ADAM22: variants seen among roughly 807,000 people sequenced by gnomAD.
ADAM22 encodes the protein disintegrin and metalloproteinase domain-containing protein 22.
A neutral mutation model predicts 144.6 loss-of-function variants in ADAM22; 65 were observed. The observed-to-expected ratio is 0.45, with a 90% CI of 0.37 to 0.55. The LOEUF (loss-of-function observed/expected upper bound fraction) is 0.55, where lower values mean the gene tolerates loss of function less well. ADAM22 is among the 20% of genes least tolerant of loss of function. The pLI is 0.00. For synonymous variants in ADAM22, 391 were observed against 412.6 expected (o/e 0.95, Z 0.63); for missense variants, 974 against 1,184.9 (o/e 0.82, Z 2.61).
At chr7:88,092,585 T>G (rs1820209244) in intron 4 of ADAM22, among the ~76,000 whole-genome samples, 1 of 152,210 alleles carries the variant, frequency 6.6e-6, no homozygotes, top group Non-Finnish European at 1.5e-5. Flanking sequence ...TGCCATCTTG[T>G]AATCAGTGTG....
At chr7:88,053,077 T>C (rs185325877) in intron 3 of ADAM22, among the ~76,000 whole-genome samples, 5 of 152,338 alleles carry the variant, frequency 3.3e-5, no homozygotes, top group Admixed American at 2.6e-4. Flanking sequence ...GCAATATCTA[T>C]TATTGCATTT....
intron 4 of ADAM22, among the ~76,000 whole-genome samples, chr7:88,079,200 T>TTAAAAA (rs983458621): frequency 4.6e-4 from 70 of 152,290 alleles, no homozygotes; most frequent in African/African-American, 1.5e-3. Flanking sequence ...TTCAACATTC[T>TTAAAAA]TAAAAATAAG....
rs184051408 is a variant in ADAM22 at position 87,960,925 on chromosome 7, G to A, written c.247-17411G>A. 2.2e-4 allele frequency among the ~76,000 whole-genome samples: 34 copies of A among 152,080 alleles called. No individual in the cohort carries two copies. In the East Asian group the frequency reaches 6.6e-3, roughly 29 times the overall value. ...TATGTGGCACTGTTCTGTGCCTTTG[G>A]GATACATCAGTGAATAATAAAAAAA... On this transcript the variant is annotated intron_variant, in intron 2 of 31. Transcript: ENST00000413139.
intron 2 of ADAM22, among the ~76,000 whole-genome samples, chr7:87,956,640 A>C (rs940554154): frequency 5.3e-5 from 8 of 152,102 alleles, no homozygotes; most frequent in Non-Finnish European, 1.2e-4. Context: ...CCACTGATCT[A>C]CTTTCTGTCT....
intron 26 of ADAM22, among the ~76,000 whole-genome samples, chr7:88,177,597 C>G (rs183385218): frequency 3.2e-4 from 48 of 152,188 alleles, no homozygotes; most frequent in African/African-American, 1.1e-3. Flanking sequence ...TTAAATCACA[C>G]AAGTTAAAAT....
At chr7:87,982,068 TACACACACACACACACACACACAC>T (rs1175758724) in intron 3 of ADAM22, among the ~76,000 whole-genome samples, 52 of 93,720 alleles carry the variant, frequency 5.5e-4, no homozygotes, top group Admixed American at 3.2e-3. Flanking sequence ...TATATATATA[TACACACACACACACACACACACAC>T]ACACACACAC....
At chr7:88,172,072 A>G (rs545380111) in intron 26 of ADAM22, among the ~76,000 whole-genome samples, 158 of 151,982 alleles carry the variant, frequency 1.0e-3, no homozygotes, top group Middle Eastern at 3.4e-3. Context: ...TTATCTCTGC[A>G]TAAGGAATTT....
At chr7:88,185,287 A>G (rs933751832) in intron 29 of ADAM22, among the ~76,000 whole-genome samples, 8 of 152,222 alleles carry the variant, frequency 5.3e-5, no homozygotes, top group African/African-American at 1.9e-4. Context: ...TTCTTTCAGA[A>G]GGGAATTTCA....
At chr7:88,117,121 A>C (rs964479394) in intron 7 of ADAM22, among the ~76,000 whole-genome samples, 20 of 152,254 alleles carry the variant, frequency 1.3e-4, no homozygotes, top group African/African-American at 3.9e-4. Flanking sequence ...TTTGTGAAAT[A>C]CTGGTCTTGT....
chr7:87,934,655 G>T, intron 1 of ADAM22, 105 bp downstream of exon 1: 1 of 1,105,052 alleles, frequency 9.0e-7, no homozygotes, highest in South Asian at 1.7e-5. Context: ...CGAGTGCGCG[G>T]GGAGATTTTT....
chr7:87,983,736 G>A (rs895762775), intron 3 of ADAM22, among the ~76,000 whole-genome samples: 5 of 151,960 alleles, frequency 3.3e-5, no homozygotes, highest in African/African-American at 1.2e-4. Flanking sequence ...AATAACTAAT[G>A]TTCATTGTTA....
chr7:87,995,051 C>A (rs1383124980), intron 3 of ADAM22, among the ~76,000 whole-genome samples: 1 of 152,170 alleles, frequency 6.6e-6, no homozygotes, highest in Non-Finnish European at 1.5e-5. Context: ...ATCTCCTGAC[C>A]TCGTGATCCA....
intron 1 of ADAM22, 81 bp downstream of exon 1, chr7:87,934,631 G>A: frequency 1.5e-6 from 2 of 1,310,110 alleles, no homozygotes; most frequent in Non-Finnish European, 2.1e-6. Flanking sequence ...TGAAAAGGGG[G>A]CATCCCCATT....
At chr7:87,971,435 G>C (rs1484031797) in intron 2 of ADAM22, among the ~76,000 whole-genome samples, 1 of 152,070 alleles carries the variant, frequency 6.6e-6, no homozygotes, top group Non-Finnish European at 1.5e-5. Context: ...GCCCACACTG[G>C]CCTCAGTGTC....
intron 3 of ADAM22, among the ~76,000 whole-genome samples, chr7:88,024,588 A>T (rs545688281): frequency 6.6e-6 from 1 of 152,156 alleles, no homozygotes; most frequent in South Asian, 2.1e-4. Flanking sequence ...TTTAGGGTAC[A>T]TGTGCACAAC....
At chr7:87,946,898 T>C (rs1843813537) in intron 2 of ADAM22, among the ~76,000 whole-genome samples, 1 of 152,208 alleles carries the variant, frequency 6.6e-6, no homozygotes, top group South Asian at 2.1e-4. Flanking sequence ...TTATATCCTT[T>C]GCAGCCACAC....
At chr7:88,025,889 A>G (rs1451410103) in intron 3 of ADAM22, among the ~76,000 whole-genome samples, 3 of 150,532 alleles carry the variant, frequency 2.0e-5, no homozygotes, top group African/African-American at 7.3e-5. Context: ...GATTGTTTTT[A>G]CTATTTCTGT....
At chr7:87,963,389 T>C (rs1848395647) in intron 2 of ADAM22, among the ~76,000 whole-genome samples, 1 of 152,152 alleles carries the variant, frequency 6.6e-6, no homozygotes, top group Non-Finnish European at 1.5e-5. Context: ...AAATAAAAAG[T>C]GACCTCCGTG....
chr7:88,033,820 C>T (rs927817594), intron 3 of ADAM22, among the ~76,000 whole-genome samples: 2 of 152,100 alleles, frequency 1.3e-5, no homozygotes, highest in Non-Finnish European at 2.9e-5. Context: ...TCCCTGTGTC[C>T]ACCACCCCAC....
Sources: allele counts gnomAD v4.1 joint callset (sites outside exome capture counted in the v4.1 genomes callset), GRCh38; gene constraint gnomAD v4.1.1; transcripts MANE v1.5; gene names NCBI Gene and HGNC (gene_info 2026-07-23, HGNC 2026-07-21).